HAUS6: variants seen among roughly 807,000 people sequenced by gnomAD.
HAUS6 encodes HAUS augmin like complex subunit 6.
A neutral mutation model predicts 106.8 loss-of-function variants in HAUS6; 80 were observed. The ratio of observed to expected loss-of-function variants is 0.75; its 90% CI spans 0.63 to 0.90. The LOEUF (loss-of-function observed/expected upper bound fraction) is 0.90, where lower values mean the gene tolerates loss of function less well. Among genes scored for constraint, HAUS6 ranks in the 40% least tolerant of loss-of-function variants. The probability of loss-of-function intolerance (pLI) is 0.00; values close to 1 mark genes in which losing one functional copy is unlikely to be tolerated. For synonymous variants in HAUS6, 356 were observed against 379.1 expected, an observed-to-expected ratio of 0.94 and a Z score of 0.71; for missense variants, 1,155 against 1,118.1, an observed-to-expected ratio of 1.03 and a Z score of -0.47.
intron 1 of HAUS6, among the ~76,000 whole-genome samples, chr9:19,099,796 T>C (rs1337309766): frequency 3.9e-5 from 6 of 152,300 alleles, no homozygotes; most frequent in African/African-American, 1.4e-4. Context: ...ATGTCTGTAA[T>C]CCCAGCACTT....
chr9:19,070,325 C>G (rs778138562), intron 11 of HAUS6, 25 bp from the exon 12 acceptor site: 30 of 1,192,036 alleles, frequency 2.5e-5, no homozygotes, highest in Non-Finnish European at 3.6e-5. Flanking sequence ...AAATTGGTTA[C>G]TCTTTAATTA....
rs1177472054 is a variant in HAUS6 at position 19,093,292 on chromosome 9, T to C, written c.315A>G (p.Gly105=). 22 of 1,604,598 alleles carry C rather than the reference T, an allele frequency of 1.4e-5. No individual in the cohort carries two copies. The highest frequency in any genetic ancestry group is 1.9e-5 in the Non-Finnish European group (22 of 1,175,080). Reference sequence around the variant, plus strand: ...AACCAACAACTTGAGGAAAGCTACTTCCACATTCACCCTATGAAGAAAAGA... The same window carrying C: ...AACCAACAACTTGAGGAAAGCTACTCCCACATTCACCCTATGAAGAAAAGA... ...EWIKRISGEC[G]SSFPQVVGSL... is the part of the protein sequence containing the mutation. The change falls in exon 4 of 17, where the codon GGA becomes GGG. Residue 105 remains glycine, a synonymous_variant. Transcript: ENST00000380502.
In HAUS6 at chr9:19,053,626, TTA is replaced by T. The variant is rs1319836004; in HGVS notation, c.*2715_*2716del. Reference sequence around the variant, plus strand: ...TTAAAATAATTAGAACATTTTAGCATTATCTCAGGTTTCAAGCTGATGTATGT... The same window carrying T: ...TTAAAATAATTAGAACATTTTAGCATTCTCAGGTTTCAAGCTGATGTATGT... On this transcript the variant is annotated 3_prime_UTR_variant, in exon 17 of 17. Transcript: ENST00000380502. 1 of 152,198 alleles carries T rather than the reference TTA, an allele frequency of 6.6e-6. No homozygotes were observed. Among genetic ancestry groups the T allele is most frequent in the Non-Finnish European group, 1.5e-5 (1 of 67,998 alleles). The allele number at this position is 152,198 out of a possible 1,614,324, so 9.4% of individuals were successfully genotyped here.
intron 11 of HAUS6, among the ~76,000 whole-genome samples, chr9:19,071,704 A>C (rs1836884800): frequency 6.6e-6 from 1 of 151,440 alleles, no homozygotes; most frequent in African/African-American, 2.4e-5. Context: ...CTCAAAAGTA[A>C]CTGGGGCCAC....
chr9:19,059,585 G>C (rs1836562601), intron 15 of HAUS6, among the ~76,000 whole-genome samples: 1 of 152,296 alleles, frequency 6.6e-6, no homozygotes, highest in Admixed American at 6.5e-5. Context: ...CAACCAAGAT[G>C]ATGTGCCTAC....
At chr9:19,097,545 A>C (rs1464976067) in intron 1 of HAUS6, among the ~76,000 whole-genome samples, 1 of 152,136 alleles carries the variant, frequency 6.6e-6, no homozygotes, top group Non-Finnish European at 1.5e-5. Flanking sequence ...CAAAACCACA[A>C]TGAGATACCA....
At position 19,093,300 on chromosome 9, in the gene HAUS6, C is replaced by A; in HGVS notation, c.307G>T (p.Glu103Ter). ...CCEWIKRISG[E>*]CGSSFPQVVG... ...ACTTGAGGAAAGCTACTTCCACATT[C>A]ACCCTATGAAGAAAAGAAATAAGAT... The change falls in exon 4 of 17, where the codon GAA becomes TAA. Residue 103 changes from glutamate (E) to a stop codon, truncating the protein, a stop_gained. Transcript: ENST00000380502. LOFTEE classifies it high-confidence loss of function. 6.2e-7 allele frequency: 1 copy of A among 1,600,028 alleles called. No individual in the cohort carries two copies. The highest frequency in any genetic ancestry group is 1.1e-5 in the South Asian group (1 of 89,074).
chr9:19,058,836 G>A lies in HAUS6; in HGVS notation c.1931C>T (p.Thr644Ile). The change falls in exon 16 of 17, where the codon ACT becomes ATT. Residue 644 changes from threonine (T) to isoleucine (I), a missense_variant. By Grantham distance (89) the Thr-to-Ile change is moderately conservative. Transcript: ENST00000380502. ...FSMADFLLET[T>I]VSDFGQSHLT... ...ATGAGACTGGCCAAAATCTGATACA[G>A]TGGTTTCTAAGAGAAAATCAGCCAT... 1 of 1,614,188 alleles carries A rather than the reference G, an allele frequency of 6.2e-7. No individual in the cohort carries two copies. The highest frequency in any genetic ancestry group is 8.5e-7 in the Non-Finnish European group (1 of 1,180,008).
chr9:19,095,492 G>T (rs1227509763), intron 2 of HAUS6, among the ~76,000 whole-genome samples: 1 of 140,062 alleles, frequency 7.1e-6, no homozygotes, highest in East Asian at 2.1e-4. Flanking sequence ...GAGCCATAAT[G>T]TTGATAATCA....
chr9:19,062,481 C>CAT (rs1836646740), intron 14 of HAUS6, among the ~76,000 whole-genome samples: 1 of 152,116 alleles, frequency 6.6e-6, no homozygotes, highest in African/African-American at 2.4e-5. Flanking sequence ...GGGTTCTAAA[C>CAT]CACAGATGTA....
At chr9:19,095,492 G>A (rs1227509763) in intron 2 of HAUS6, among the ~76,000 whole-genome samples, 1 of 140,062 alleles carries the variant, frequency 7.1e-6, no homozygotes, top group South Asian at 2.2e-4. Flanking sequence ...GAGCCATAAT[G>A]TTGATAATCA....
At chr9:19,092,006 G>T (rs1022357379) in intron 4 of HAUS6, among the ~76,000 whole-genome samples, 5 of 151,960 alleles carry the variant, frequency 3.3e-5, no homozygotes, top group African/African-American at 1.2e-4. Context: ...TCTTAAACAT[G>T]AAACAATTTT....
chr9:19,081,132 T>C (rs375888268), intron 8 of HAUS6, among the ~76,000 whole-genome samples: 88 of 150,978 alleles, frequency 5.8e-4, no homozygotes, highest in African/African-American at 2.1e-3. Context: ...AAACATAAAA[T>C]GACGTAAATA....
intron 8 of HAUS6, 31 bp downstream of exon 8, chr9:19,082,842 C>G (rs377507430): frequency 2.4e-6 from 3 of 1,241,736 alleles, no homozygotes; most frequent in Admixed American, 2.7e-5. Flanking sequence ...TAGGAGTTTT[C>G]TCAAAAGCTT....
intron 11 of HAUS6, among the ~76,000 whole-genome samples, chr9:19,075,865 G>C (rs753002503): frequency 6.6e-6 from 1 of 151,772 alleles, no homozygotes; most frequent in Non-Finnish European, 1.5e-5. Flanking sequence ...GCTGAGGCAA[G>C]ATGGTTAATT....
rs1836875018 is a variant in HAUS6, at chr9:19,071,191, T to A, written c.1295-891A>T. On this transcript the variant is annotated intron_variant, in intron 11 of 16. Transcript: ENST00000380502. ...ATTACAGAGGTAAAAAGTATATACCTATGACTACTAAATACTAGACAGACA... is the reference window on the plus strand; with the variant it reads ...ATTACAGAGGTAAAAAGTATATACCAATGACTACTAAATACTAGACAGACA... Among the ~76,000 whole-genome samples the A allele has an allele frequency of 2.0e-5, 3 of 152,158 alleles. No individual in the cohort carries two copies. The South Asian group carries it at 6.2e-4, about 31-fold the overall frequency.
chr9:19,073,422 G>GA (rs113083248), intron 11 of HAUS6, among the ~76,000 whole-genome samples: 48,044 of 146,098 alleles, frequency 0.33, 8,943 homozygotes, highest in African/African-American at 0.53. Context: ...TCTATACTAG[G>GA]AAAAAAAAAA....
intron 11 of HAUS6, among the ~76,000 whole-genome samples, chr9:19,075,971 A>C (rs1198564609): frequency 2.0e-5 from 3 of 151,692 alleles, no homozygotes; most frequent in South Asian, 2.1e-4. Flanking sequence ...AAAAAAAAAA[A>C]AAAAAAAACA....
At position 19,084,350 on chromosome 9, in the gene HAUS6, C is replaced by T. The variant is rs527817292; in HGVS notation, c.700-1307G>A. Among the ~76,000 whole-genome samples the T allele has an allele frequency of 2.0e-5, 3 of 152,266 alleles. No homozygotes were observed. In the South Asian group the frequency reaches 6.2e-4, roughly 32 times the overall value. On this transcript the variant is annotated intron_variant, in intron 7 of 16. Transcript: ENST00000380502. ...AGTGTAACATGTGAGGGCACTGTTT[C>T]CCCGTGGGGGCAAACAGTGTAAACT...
Sources: allele counts gnomAD v4.1 joint callset (sites outside exome capture counted in the v4.1 genomes callset), GRCh38; gene constraint gnomAD v4.1.1; transcripts MANE v1.5; gene names NCBI Gene and HGNC (gene_info 2026-07-23, HGNC 2026-07-21).